MANEA: variants seen among roughly 807,000 people sequenced by gnomAD.
MANEA encodes glycoprotein endo-alpha-1,2-mannosidase.
In MANEA, 25 loss-of-function variants were observed where a neutral mutation model predicts 36.8. The ratio of observed to expected loss-of-function variants is 0.68; its 90% CI spans 0.50 to 0.95. The LOEUF is 0.95. Among genes scored for constraint, MANEA ranks in the 40% least tolerant of loss-of-function variants. The pLI is 0.00. For synonymous variants in MANEA, 198 were observed against 188.5 expected (o/e 1.05, Z -0.41); for missense variants, 565 against 558.8 (o/e 1.01, Z -0.11).
chr6:95,585,619 G>A (rs2127938897), intron 1 of MANEA, among the ~76,000 whole-genome samples: 1 of 152,220 alleles, frequency 6.6e-6, no homozygotes, highest in Middle Eastern at 3.4e-3. Flanking sequence ...CCAGCCTAAT[G>A]AATTTTTTGA....
At chr6:95,584,475 A>C (rs1769242908) in intron 1 of MANEA, among the ~76,000 whole-genome samples, 1 of 152,182 alleles carries the variant, frequency 6.6e-6, no homozygotes. Context: ...GGTCTCCTCC[A>C]GTACCCCACC....
At chr6:95,593,743 A>T (rs755180392) in intron 2 of MANEA, among the ~76,000 whole-genome samples, 53 of 152,186 alleles carry the variant, frequency 3.5e-4, no homozygotes, top group Non-Finnish European at 6.6e-4. Context: ...AATGGAGATG[A>T]TAGTATAAAG....
chr6:95,587,326 A>C, intron 2 of MANEA: 1 of 237,924 alleles, frequency 4.2e-6, no homozygotes, highest in East Asian at 1.1e-4. Flanking sequence ...TCAAAAGTAT[A>C]TACCTGTTTG....
At chr6:95,589,093 A>G (rs1030450873) in intron 2 of MANEA, among the ~76,000 whole-genome samples, 22 of 151,196 alleles carry the variant, frequency 1.5e-4, no homozygotes, top group African/African-American at 5.3e-4. Flanking sequence ...AAAATTAAAA[A>G]ATAAACTTGA....
At chr6:95,604,611 T>C (rs184301465) in intron 3 of MANEA, among the ~76,000 whole-genome samples, 12 of 152,016 alleles carry the variant, frequency 7.9e-5, no homozygotes, top group Admixed American at 5.2e-4. Context: ...CCTTAGGGAG[T>C]TGTGAAGATT....
At chr6:95,588,928 AC>A (rs1437106618) in intron 2 of MANEA, among the ~76,000 whole-genome samples, 2 of 151,846 alleles carry the variant, frequency 1.3e-5, no homozygotes, top group East Asian at 3.9e-4. Context: ...ATTTATAAAG[AC>A]CTTTTTCCCT....
In MANEA at chr6:95,606,020, A is replaced by C; in HGVS notation, c.1004A>C (p.His335Pro). The change falls in exon 5 of 5, where the codon CAT becomes CCT. Residue 335 changes from histidine (H) to proline (P), a missense_variant. Physicochemically the swap from His to Pro is moderately conservative, Grantham distance 77. Transcript: ENST00000358812. ...AATGGCTTTACTTATGGCTCATCAC[A>C]TCAGAATTGGGCTAGCCTAAAATTA... ...ATNGFTYGSSHQNWASLKLFC... is the reference protein window; with the variant it reads ...ATNGFTYGSSPQNWASLKLFC... 6.2e-7 allele frequency: 1 copy of C among 1,614,052 alleles called. No individual in the cohort carries two copies. The highest frequency in any genetic ancestry group is 8.5e-7 in the Non-Finnish European group (1 of 1,179,968).
intron 1 of MANEA, among the ~76,000 whole-genome samples, chr6:95,580,724 C>CAAA (rs67844240): frequency 5.0e-5 from 3 of 59,826 alleles, no homozygotes; most frequent in Non-Finnish European, 3.3e-5. Context: ...GACGCCGTCT[C>CAAA]AAAAAAAAAA....
chr6:95,594,181 A>G (rs532583438), intron 2 of MANEA, among the ~76,000 whole-genome samples: 11 of 152,274 alleles, frequency 7.2e-5, no homozygotes, highest in African/African-American at 2.4e-4. Context: ...TAGTTAAAGG[A>G]ACGAATATTT....
rs62417813 is a variant in MANEA at position 95,586,736 on chromosome 6, G to A, written c.297G>A (p.Leu99=). Residue 99 remains leucine (L), a synonymous_variant, in exon 2 of 5, where the codon CTG becomes CTA. Transcript: ENST00000358812. ...SELNLDELPP[L]NNYLHVFYYS... ...TTAACTTGGATGAACTACCACCTCT[G>A]AACAATTATCTACATGTATTTTATT... is the stretch of plus-strand genomic sequence containing the variant. 0.1 allele frequency: 164,526 copies of A among 1,612,670 alleles called. 9,788 individuals carry two copies. The highest frequency in any genetic ancestry group is 0.12 in the Non-Finnish European group (138,186 of 1,178,836).
rs756133616 is a variant in MANEA at position 95,605,828 on chromosome 6, A to T, written c.812A>T (p.Tyr271Phe). The change falls in exon 5 of 5, where the codon TAT becomes TTT. Residue 271 changes from tyrosine to phenylalanine, a missense_variant. By Grantham distance (22) the Tyr-to-Phe change is conservative. Coordinates refer to ENST00000358812, the MANE Select transcript of MANEA (RefSeq NM_024641.4). ...CCTATGTTTTATGTCTATGATTCCTATATTACCAAGCCTGAAAAATGGGCC... is the reference window on the plus strand; with the variant it reads ...CCTATGTTTTATGTCTATGATTCCTTTATTACCAAGCCTGAAAAATGGGCC... ...ALPMFYVYDS[Y>F]ITKPEKWANL... is the part of the protein sequence containing the mutation. 4 of 1,613,802 alleles carry T rather than the reference A, an allele frequency of 2.5e-6. No homozygotes were observed.
chr6:95,584,822 C>G (rs1471716071), intron 1 of MANEA, among the ~76,000 whole-genome samples: 2 of 152,234 alleles, frequency 1.3e-5, no homozygotes, highest in Non-Finnish European at 2.9e-5. Context: ...TCTCTTTGTA[C>G]TCTCTCTCTT....
chr6:95,584,228 A>T (rs567207797), intron 1 of MANEA, among the ~76,000 whole-genome samples: 1 of 152,268 alleles, frequency 6.6e-6, no homozygotes, highest in African/African-American at 2.4e-5. Context: ...GATTTTTAAG[A>T]CAGCGATAAA....
intron 3 of MANEA, among the ~76,000 whole-genome samples, chr6:95,604,124 G>A (rs1259348516): frequency 1.5e-5 from 2 of 132,776 alleles, no homozygotes; most frequent in African/African-American, 5.4e-5. Context: ...AAATACCTAG[G>A]CATCATGAAA....
At position 95,586,994 on chromosome 6, in the gene MANEA, T is replaced by TAG; in HGVS notation, c.544+12_544+13insGA. The TAG allele has an allele frequency of 6.0e-6, 8 of 1,334,008 alleles. No homozygotes were observed. The highest frequency in any genetic ancestry group is 8.3e-6 in the Non-Finnish European group (8 of 969,168). 82.6% of individuals were successfully genotyped at this position (1,334,008 alleles called of 1,614,324 possible). On this transcript the variant is annotated intron_variant, in intron 2 of 4. Transcript: ENST00000358812. Reference sequence around the variant, plus strand: ...GCTCAGCTTCAATTGGTAATTATTGTATATATATATATGTGTGTTTGTGTC... The same window carrying TAG: ...GCTCAGCTTCAATTGGTAATTATTGTAGATATATATATATGTGTGTTTGTGTC...
intron 3 of MANEA, among the ~76,000 whole-genome samples, chr6:95,603,546 T>TA (rs538083149): frequency 3.5e-4 from 52 of 146,896 alleles, no homozygotes; most frequent in African/African-American, 1.4e-3. Flanking sequence ...GAAAATTATA[T>TA]TTTTTTTAAA....
chr6:95,586,930 G>C lies in MANEA; in HGVS notation c.491G>C (p.Arg164Pro), dbSNP rs372953752. Residue 164 changes from arginine to proline, a missense_variant, in exon 2 of 5, where the codon CGG becomes CCG. Transcript: ENST00000358812. ...CCTGAATTGGGAAGTTACAGTTCTCGGGATCCTTCTGTCATAGAAACTCAC... is the reference window on the plus strand; with the variant it reads ...CCTGAATTGGGAAGTTACAGTTCTCCGGATCCTTCTGTCATAGAAACTCAC... ...FYPELGSYSSRDPSVIETHMR... is the reference protein window; with the variant it reads ...FYPELGSYSSPDPSVIETHMR... 6.2e-7 allele frequency: 1 copy of C among 1,612,666 alleles called. No individual in the cohort carries two copies. The highest frequency in any genetic ancestry group is 2.2e-5 in the East Asian group (1 of 44,856).
intron 1 of MANEA, among the ~76,000 whole-genome samples, chr6:95,578,879 T>C (rs1367649902): frequency 6.6e-6 from 1 of 152,204 alleles, no homozygotes; most frequent in Non-Finnish European, 1.5e-5. Context: ...ATAACTGGTG[T>C]ATCCTCTAAA....
At chr6:95,578,583 C>A (rs956335468) in intron 1 of MANEA, among the ~76,000 whole-genome samples, 2 of 151,802 alleles carry the variant, frequency 1.3e-5, no homozygotes, top group African/African-American at 4.8e-5. Context: ...TGTATCACAC[C>A]TGAAAAAAAC....
Sources: allele counts gnomAD v4.1 joint callset (sites outside exome capture counted in the v4.1 genomes callset), GRCh38; gene constraint gnomAD v4.1.1; transcripts MANE v1.5; gene names NCBI Gene and HGNC (gene_info 2026-07-23, HGNC 2026-07-21).